The following CPED1 variants were observed in gnomAD, a reference collection of about 807,000 sequenced individuals.
The protein encoded by CPED1 is cadherin like and PC-esterase domain containing 1.
Under a neutral mutation model 128.2 loss-of-function variants are expected in CPED1, and 114 were observed. The ratio of observed to expected loss-of-function variants is 0.89; its 90% CI spans 0.76 to 1.04. The LOEUF is 1.04. Ranked by LOEUF, CPED1 falls within the 50% of genes least tolerant of loss-of-function variation. The pLI is 0.00. For missense variants in CPED1, 1,211 were observed against 1,207.1 expected, an observed-to-expected ratio of 1.00 and a Z score of -0.05; for synonymous variants, 462 against 426.7, an observed-to-expected ratio of 1.08 and a Z score of -1.02.
At position 121,125,860 on chromosome 7, in the gene CPED1, T is replaced by C. The variant is rs1795489921; in HGVS notation, c.1102T>C (p.Tyr368His). ...TCAACTTCTAACTTTTGATATTGGT[T>C]ATGGCAGTTTCATGTACCCTGTAGT... ...CFQLLTFDIG[Y>H]GSFMYPVVLQ... The change falls in exon 9 of 23, where the codon TAT becomes CAT. Residue 368 changes from tyrosine to histidine, a missense_variant. Tyr to His is a moderately conservative substitution (Grantham distance 83, BLOSUM62 2). Transcript: ENST00000310396. The C allele has an allele frequency of 1.2e-6, 2 of 1,613,598 alleles. No homozygotes were observed. The highest frequency in any genetic ancestry group is 1.7e-6 in the Non-Finnish European group (2 of 1,179,732).
intron 22 of CPED1, among the ~76,000 whole-genome samples, chr7:121,276,502 C>G (rs1379075086): frequency 2.0e-5 from 3 of 152,108 alleles, no homozygotes; most frequent in Admixed American, 2.0e-4. Flanking sequence ...GTACTCTATG[C>G]CCTCAGGACA....
intron 2 of CPED1, among the ~76,000 whole-genome samples, chr7:121,006,371 TAG>T (rs966353366): frequency 1.3e-5 from 2 of 152,030 alleles, no homozygotes; most frequent in Non-Finnish European, 2.9e-5. Context: ...AGAAACCTCA[TAG>T]AGTCAGCTGG....
intron 16 of CPED1, among the ~76,000 whole-genome samples, chr7:121,213,013 G>C (rs896933390): frequency 6.6e-6 from 1 of 151,878 alleles, no homozygotes; most frequent in African/African-American, 2.4e-5. Flanking sequence ...TTATGTACAT[G>C]CTGGCTTAGT....
At position 121,281,488 on chromosome 7, in the gene CPED1, C is replaced by G. The variant is rs114605191; in HGVS notation, c.2868+10058C>G. On this transcript the variant is annotated intron_variant, in intron 22 of 22. Coordinates refer to ENST00000310396, the MANE Select transcript of CPED1 (RefSeq NM_024913.5). ...ATGCCTTCTAAAATGTCTCTGTACC[C>G]ACGTTTTTAATGGTGTAGAGATGTG... 8.4e-3 allele frequency among the ~76,000 whole-genome samples: 1,278 copies of G among 152,184 alleles called. 19 individuals are homozygous for G. The highest frequency in any genetic ancestry group is 0.028 in the African/African-American group (1,172 of 41,540).
At chr7:121,105,836 A>G (rs969196102) in intron 7 of CPED1, among the ~76,000 whole-genome samples, 8 of 152,028 alleles carry the variant, frequency 5.3e-5, no homozygotes, top group African/African-American at 1.9e-4. Context: ...TTCATTCCCA[A>G]CTTGGTTCTA....
At chr7:121,154,756 G>A (rs977828548) in intron 16 of CPED1, among the ~76,000 whole-genome samples, 2 of 152,118 alleles carry the variant, frequency 1.3e-5, no homozygotes, top group African/African-American at 4.8e-5. Context: ...ATGTTGGCCA[G>A]GATGGTCTCG....
At chr7:121,229,529 T>G (rs959469467) in intron 16 of CPED1, among the ~76,000 whole-genome samples, 3 of 151,972 alleles carry the variant, frequency 2.0e-5, no homozygotes, top group African/African-American at 7.2e-5. Context: ...AAGGTCCTTG[T>G]AATGGGAAAC....
At chr7:121,016,695 A>G (rs933081392) in intron 3 of CPED1, among the ~76,000 whole-genome samples, 1 of 152,052 alleles carries the variant, frequency 6.6e-6, no homozygotes, top group Non-Finnish European at 1.5e-5. Context: ...TGATACTTCA[A>G]TCTCTCCTTT....
At chr7:121,166,823 A>G (rs1275841030) in intron 16 of CPED1, among the ~76,000 whole-genome samples, 1 of 152,166 alleles carries the variant, frequency 6.6e-6, no homozygotes, top group African/African-American at 2.4e-5. Flanking sequence ...TTAATGTAAA[A>G]ATTCCTAACT....
chr7:121,099,468 A>G (rs1794787366), intron 6 of CPED1, among the ~76,000 whole-genome samples: 1 of 152,102 alleles, frequency 6.6e-6, no homozygotes, highest in Non-Finnish European at 1.5e-5. Context: ...CCCAGGTTCA[A>G]GTGATTCTCC....
intron 7 of CPED1, among the ~76,000 whole-genome samples, chr7:121,111,686 A>G (rs1795112290): frequency 6.6e-6 from 1 of 151,508 alleles, no homozygotes; most frequent in Admixed American, 6.6e-5. Flanking sequence ...AGCAAGGCTT[A>G]AGTTGCATTC....
At chr7:121,075,776 T>C (rs1037058496) in intron 5 of CPED1, among the ~76,000 whole-genome samples, 2 of 152,236 alleles carry the variant, frequency 1.3e-5, no homozygotes, top group African/African-American at 2.4e-5. Context: ...TGAAATAGGC[T>C]GAAATCTACA....
At position 120,998,722 on chromosome 7, in the gene CPED1, T is replaced by G. The variant is rs189210070; in HGVS notation, c.249+8852T>G. Among the ~76,000 whole-genome samples the G allele has an allele frequency of 6.0e-4, 91 of 152,252 alleles. 1 individual carries two copies. Among genetic ancestry groups the G allele is most frequent in the African/African-American group, 2.1e-3 (86 of 41,538 alleles). ...TGTTGCCTTTTCACAGTAAAATGAA[T>G]CTTTTGAAACAAAACCAAACTTAAG... On this transcript the variant is annotated intron_variant, in intron 2 of 22. Transcript: ENST00000310396.
chr7:120,995,818 C>G (rs1399278976), intron 2 of CPED1, among the ~76,000 whole-genome samples: 1 of 152,122 alleles, frequency 6.6e-6, no homozygotes, highest in East Asian at 1.9e-4. Flanking sequence ...AGCGACATGG[C>G]GAGCTCCAAA....
intron 16 of CPED1, among the ~76,000 whole-genome samples, chr7:121,172,089 G>C (rs10260631): frequency 0.1 from 15,860 of 152,150 alleles, 1,391 homozygotes; most frequent in African/African-American, 0.24. Flanking sequence ...AACAACTTGT[G>C]AAGGTCAAAC....
intron 16 of CPED1, among the ~76,000 whole-genome samples, chr7:121,153,217 T>A (rs905994158): frequency 7.9e-5 from 12 of 152,168 alleles, no homozygotes. Flanking sequence ...TTATTTTGTA[T>A]CTGTAATCTC....
At position 121,223,199 on chromosome 7, in the gene CPED1, A is replaced by G. The variant is rs559789725; in HGVS notation, c.2056-13515A>G. Among the ~76,000 whole-genome samples the G allele has an allele frequency of 3.3e-5, 5 of 152,306 alleles. 1 individual carries two copies. Among genetic ancestry groups the G allele is most frequent in the African/African-American group, 1.2e-4 (5 of 41,566 alleles). The stretch of plus-strand genomic sequence containing the variant: ...GAATTTTGTCAAAGGCCTTTTCTGC[A>G]TCTATTGAAATAATCATATGTGTTT... On this transcript the variant is annotated intron_variant, in intron 16 of 22. Transcript: ENST00000310396.
chr7:121,097,910 A>C, intron 6 of CPED1, 79 bp downstream of exon 6: 1 of 1,426,240 alleles, frequency 7.0e-7, no homozygotes, highest in Non-Finnish European at 9.6e-7. Flanking sequence ...CAGAACAGAT[A>C]TGGGGGGTTC....
At position 121,124,458 on chromosome 7, in the gene CPED1, C is replaced by T; in HGVS notation, c.1046C>T (p.Pro349Leu). 6.6e-7 allele frequency: 1 copy of T among 1,517,482 alleles called. No homozygotes were observed. 94.0% of individuals were successfully genotyped at this position (1,517,482 alleles called of 1,614,324 possible). ...EVFSETSTLG[P>L]KTFHRCRFCF... ...TTCAGTGAAACATCTACTCTGGGACCAAAGACCTTCCATAGGTAAAAAACA... is the reference window on the plus strand; with the variant it reads ...TTCAGTGAAACATCTACTCTGGGACTAAAGACCTTCCATAGGTAAAAAACA... The change falls in exon 8 of 23, where the codon CCA (proline) becomes CTA (leucine). Residue 349 changes from proline (P) to leucine (L), a missense_variant. Physicochemically the swap from Pro to Leu is moderately conservative, Grantham distance 98. Coordinates refer to ENST00000310396, the MANE Select transcript of CPED1 (RefSeq NM_024913.5).
Sources: gnomAD v4.1 joint callset for allele counts (sites outside exome capture counted in the v4.1 genomes callset) on GRCh38, gnomAD v4.1.1 for gene constraint, MANE v1.5 for transcripts, NCBI Gene and HGNC (gene_info 2026-07-23, HGNC 2026-07-21) for gene names.